Variants in PRKG2 observed in about 807,000 individuals in gnomAD.
The protein encoded by PRKG2 is protein kinase cGMP-dependent 2.
In PRKG2, 33 loss-of-function variants were observed where a neutral mutation model predicts 97.2. That is an observed-to-expected ratio of 0.34 (90% CI 0.26 to 0.45). The LOEUF (loss-of-function observed/expected upper bound fraction) is 0.45, where lower values mean the gene tolerates loss of function less well. Among genes scored for constraint, PRKG2 ranks in the 20% least tolerant of loss-of-function variants. The pLI is 1.00. For missense variants in PRKG2, 638 were observed against 900.0 expected, an observed-to-expected ratio of 0.71 and a Z score of 3.73; for synonymous variants, 330 against 321.8, an observed-to-expected ratio of 1.03 and a Z score of -0.27.
In PRKG2 at chr4:81,198,478, C is replaced by T. The variant is rs114281763; in HGVS notation, c.461+6109G>A. The stretch of plus-strand genomic sequence containing the variant: ...ACCTCTTCCTTTTTTTGGAGCTTAA[C>T]GGTACCACCCACCCTACCTCACCCC... On this transcript the variant is annotated intron_variant, in intron 2 of 18. Transcript: ENST00000264399. Among the ~76,000 whole-genome samples the T allele has an allele frequency of 3.8e-3, 575 of 152,174 alleles. 4 individuals carry two copies. The highest frequency in any genetic ancestry group is 0.013 in the African/African-American group (535 of 41,500).
upstream of PRKG2, among the ~76,000 whole-genome samples, chr4:81,215,269 G>A (rs961467323): frequency 6.6e-6 from 1 of 152,218 alleles, no homozygotes; most frequent in African/African-American, 2.4e-5. Flanking sequence ...GAAGGAGGAG[G>A]GAGGGGGTCA....
At chr4:81,144,124 G>T in intron 10 of PRKG2, 108 bp downstream of exon 10, 1 of 915,678 alleles carries the variant, frequency 1.1e-6, no homozygotes, top group Non-Finnish European at 1.7e-6. Flanking sequence ...ATTTTCTAGT[G>T]AAGGCACATT....
chr4:81,151,592 T>G, intron 8 of PRKG2, among the ~76,000 whole-genome samples: 1 of 152,112 alleles, frequency 6.6e-6, no homozygotes, highest in East Asian at 1.9e-4. Context: ...ATAAAATTAT[T>G]TCGTAATTTT....
At chr4:81,102,977 TAA>T (rs999564401) in intron 17 of PRKG2, among the ~76,000 whole-genome samples, 2 of 152,214 alleles carry the variant, frequency 1.3e-5, no homozygotes, top group African/African-American at 4.8e-5. Context: ...ATTTCAATAA[TAA>T]AAGTCTCAAA....
intron 2 of PRKG2, among the ~76,000 whole-genome samples, chr4:81,199,124 T>A (rs748537307): frequency 4.5e-4 from 68 of 152,170 alleles, no homozygotes; most frequent in Admixed American, 3.3e-4. Context: ...TATACACTCT[T>A]AAAAATCTTT....
At chr4:81,092,330 G>T in intron 18 of PRKG2, 56 bp downstream of exon 18, 2 of 1,235,170 alleles carry the variant, frequency 1.6e-6, no homozygotes, top group Non-Finnish European at 1.1e-6. Context: ...TAAAATCTGT[G>T]TACAAAAACA....
chr4:81,153,990 C>G (rs1018544174), intron 6 of PRKG2: 1 of 263,988 alleles, frequency 3.8e-6, no homozygotes, highest in Non-Finnish European at 7.3e-6. Flanking sequence ...CTTTCCTAGT[C>G]AAAGAAAGGG....
intron 2 of PRKG2, among the ~76,000 whole-genome samples, chr4:81,187,320 C>T (rs949910409): frequency 1.3e-5 from 2 of 152,196 alleles, no homozygotes; most frequent in East Asian, 1.9e-4. Flanking sequence ...GCTGGTTCAA[C>T]ATATGCAAAT....
At chr4:81,190,617 C>T (rs961665951) in intron 2 of PRKG2, among the ~76,000 whole-genome samples, 4 of 152,026 alleles carry the variant, frequency 2.6e-5, no homozygotes, top group African/African-American at 7.2e-5. Flanking sequence ...AGCTTCTGCA[C>T]AGCAAAAGAA....
chr4:81,202,599 T>C (rs1753384584), intron 2 of PRKG2, among the ~76,000 whole-genome samples: 1 of 152,146 alleles, frequency 6.6e-6, no homozygotes, highest in Non-Finnish European at 1.5e-5. Context: ...TGTATCCACT[T>C]GGCTTGCCTT....
chr4:81,127,360 G>C (rs1057295545), intron 14 of PRKG2, among the ~76,000 whole-genome samples: 1 of 151,952 alleles, frequency 6.6e-6, no homozygotes, highest in Non-Finnish European at 1.5e-5. Flanking sequence ...GCTCTTTTTT[G>C]GTTCCATATG....
chr4:81,102,767 T>C (rs1367440202), intron 17 of PRKG2, among the ~76,000 whole-genome samples: 4 of 152,144 alleles, frequency 2.6e-5, no homozygotes, highest in Non-Finnish European at 1.5e-5. Context: ...TACAGTAAAA[T>C]TGGCAGGTTG....
chr4:81,103,010 T>C (rs537398631), intron 17 of PRKG2, among the ~76,000 whole-genome samples: 9 of 152,350 alleles, frequency 5.9e-5, no homozygotes, highest in Admixed American at 1.3e-4. Context: ...ACTATCTACA[T>C]ATTCTTAAAA....
At chr4:81,140,928 T>C (rs1392191983) in intron 11 of PRKG2, among the ~76,000 whole-genome samples, 3 of 152,148 alleles carry the variant, frequency 2.0e-5, no homozygotes, top group Admixed American at 6.5e-5. Context: ...TAGATAGCTA[T>C]TCTATTTTTA....
chr4:81,158,878 G>C (rs927519689), intron 6 of PRKG2, among the ~76,000 whole-genome samples: 2 of 151,438 alleles, frequency 1.3e-5, no homozygotes, highest in African/African-American at 4.9e-5. Flanking sequence ...ATGGTGCTGG[G>C]AAAACTGGCT....
At chr4:81,124,988 A>AT (rs1453551680) in intron 14 of PRKG2, among the ~76,000 whole-genome samples, 1 of 151,782 alleles carries the variant, frequency 6.6e-6, no homozygotes, top group Non-Finnish European at 1.5e-5. Context: ...TCTCTATATG[A>AT]TTTTTGTCTA....
chr4:81,153,357 GGACCT>G, intron 7 of PRKG2: 1 of 257,416 alleles, frequency 3.9e-6, no homozygotes, highest in Admixed American at 5.1e-5. Flanking sequence ...TAGCCAGAAG[GGACCT>G]TATAAATAAT....
At chr4:81,120,550 G>A (rs1426348579) in intron 14 of PRKG2, among the ~76,000 whole-genome samples, 1 of 151,960 alleles carries the variant, frequency 6.6e-6, no homozygotes, top group African/African-American at 2.4e-5. Flanking sequence ...ATTTTTGTGA[G>A]TACTAATGCA....
intron 1 of PRKG2, among the ~76,000 whole-genome samples, chr4:81,210,826 T>A (rs1314862207): frequency 6.6e-6 from 1 of 152,056 alleles, no homozygotes; most frequent in Non-Finnish European, 1.5e-5. Flanking sequence ...GGTAAACGGA[T>A]AAACAAACTG....
Sources: gnomAD v4.1 joint callset for allele counts (sites outside exome capture counted in the v4.1 genomes callset) on GRCh38, gnomAD v4.1.1 for gene constraint, MANE v1.5 for transcripts, NCBI Gene and HGNC (gene_info 2026-07-23, HGNC 2026-07-21) for gene names.